Variants in DPY19L1 observed in about 807,000 individuals in gnomAD.
DPY19L1 encodes protein C-mannosyl-transferase DPY19L1.
Under a neutral mutation model 96.9 loss-of-function variants are expected in DPY19L1, and 35 were observed. That is an observed-to-expected ratio of 0.36 (90% CI 0.28 to 0.48). The LOEUF (loss-of-function observed/expected upper bound fraction) is 0.48, where lower values mean the gene tolerates loss of function less well. Ranked by LOEUF, DPY19L1 falls within the 20% of genes least tolerant of loss-of-function variation. The pLI is 0.99. For missense variants in DPY19L1, 521 were observed against 777.9 expected, an observed-to-expected ratio of 0.67 and a Z score of 3.93; for synonymous variants, 205 against 252.6, an observed-to-expected ratio of 0.81 and a Z score of 1.79.
intron 6 of DPY19L1, chr7:35,000,650 A>C (rs1785403500): frequency 6.6e-6 from 1 of 152,234 alleles, no homozygotes; most frequent in African/African-American, 2.4e-5. Context: ...AAAACAATGC[A>C]TACAGAAATA....
At chr7:34,991,900 T>C (rs760616289) in intron 6 of DPY19L1, among the ~76,000 whole-genome samples, 3 of 152,248 alleles carry the variant, frequency 2.0e-5, no homozygotes, top group Non-Finnish European at 2.9e-5. Flanking sequence ...TGGCAAATAC[T>C]GTATAGTACA....
chr7:34,941,058 C>T (rs1456829587), intron 18 of DPY19L1, among the ~76,000 whole-genome samples: 2 of 152,094 alleles, frequency 1.3e-5, no homozygotes, highest in African/African-American at 4.8e-5. Flanking sequence ...CACATGTCTA[C>T]AGAGCTAGAT....
At chr7:34,978,618 G>C (rs555962415) in intron 7 of DPY19L1, among the ~76,000 whole-genome samples, 1 of 152,180 alleles carries the variant, frequency 6.6e-6, no homozygotes, top group Admixed American at 6.5e-5. Context: ...GCATCTCAGG[G>C]CACTGTATCT....
chr7:35,011,725 C>T (rs138923243), intron 4 of DPY19L1, among the ~76,000 whole-genome samples: 1,940 of 152,170 alleles, frequency 0.013, 12 homozygotes, highest in Middle Eastern at 0.02. Context: ...TACTAAGAGA[C>T]ACAAAAGAAG....
intron 6 of DPY19L1, among the ~76,000 whole-genome samples, chr7:35,007,585 T>TG (rs1330114357): frequency 1.8e-4 from 24 of 132,900 alleles, no homozygotes; most frequent in African/African-American, 7.0e-4. Flanking sequence ...CACACACACG[T>TG]GTGGTGTGTG....
intron 7 of DPY19L1, 91 bp downstream of exon 7, chr7:34,989,793 C>T (rs1385400456): frequency 2.5e-5 from 27 of 1,095,270 alleles, no homozygotes; most frequent in Non-Finnish European, 3.4e-5. Flanking sequence ...ATAATAAGAT[C>T]AAACATTTAA....
chr7:34,969,042 A>G (rs1784670895), intron 9 of DPY19L1, among the ~76,000 whole-genome samples: 1 of 152,114 alleles, frequency 6.6e-6, no homozygotes, highest in Admixed American at 6.5e-5. Context: ...GAATGTACAC[A>G]ACTATTCATA....
At position 34,942,672 on chromosome 7, in the gene DPY19L1, C is replaced by T; in HGVS notation, c.1545-33G>A. ...AGAAAAAAATATATTGCCATCAATT[C>T]ATTATTGAAGCACTTACGTCATATA... On this transcript the variant is annotated intron_variant, in intron 16 of 21. Transcript: ENST00000638088. The T allele has an allele frequency of 2.5e-6, 4 of 1,574,186 alleles. No homozygotes were observed. The Admixed American group carries it at 7.8e-5, about 31-fold the overall frequency.
intron 6 of DPY19L1, among the ~76,000 whole-genome samples, chr7:34,999,424 ATC>A (rs1396121916): frequency 6.6e-6 from 1 of 152,244 alleles, no homozygotes; most frequent in African/African-American, 2.4e-5. Flanking sequence ...TTTTAAAATT[ATC>A]TCTGTGACTC....
chr7:35,037,715 G>A, upstream of DPY19L1: 1 of 663,828 alleles, frequency 1.5e-6, no homozygotes, highest in Non-Finnish European at 1.9e-6. Flanking sequence ...CCCCGCCCCC[G>A]CCGCCCCTCT....
intron 6 of DPY19L1, among the ~76,000 whole-genome samples, chr7:35,007,588 GGTGT>G (rs71551083): frequency 4.7e-4 from 70 of 150,478 alleles, no homozygotes; most frequent in East Asian, 2.2e-3. Flanking sequence ...ACACACGTGT[GGTGT>G]GTGTGTGTGT....
intron 6 of DPY19L1, among the ~76,000 whole-genome samples, chr7:34,991,139 C>T (rs1785158737): frequency 6.6e-6 from 1 of 152,202 alleles, no homozygotes. Context: ...GAAGACACAG[C>T]CACTCGCTGC....
intron 1 of DPY19L1, among the ~76,000 whole-genome samples, chr7:35,021,334 C>T (rs1785990864): frequency 6.6e-6 from 1 of 152,168 alleles, no homozygotes; most frequent in Admixed American, 6.5e-5. Context: ...AAATACCTTG[C>T]TTTCTCAGAA....
chr7:34,970,682 G>C (rs1475043395), intron 8 of DPY19L1, among the ~76,000 whole-genome samples: 1 of 152,044 alleles, frequency 6.6e-6, no homozygotes, highest in African/African-American at 2.4e-5. Flanking sequence ...GGTAACAAGA[G>C]ACATTAAGAT....
intron 6 of DPY19L1, among the ~76,000 whole-genome samples, chr7:34,992,705 C>G (rs1456651031): frequency 6.6e-6 from 1 of 151,874 alleles, no homozygotes; most frequent in Non-Finnish European, 1.5e-5. Flanking sequence ...ACCCTGCCTT[C>G]GTAGTTAATA....
At chr7:34,949,374 T>C (rs1784222586) in intron 14 of DPY19L1, among the ~76,000 whole-genome samples, 1 of 152,194 alleles carries the variant, frequency 6.6e-6, no homozygotes, top group East Asian at 1.9e-4. Context: ...GCTTTCCTTC[T>C]AAATCTCTGA....
intron 1 of DPY19L1, among the ~76,000 whole-genome samples, chr7:35,036,052 TAC>T (rs764870400): frequency 8.5e-5 from 13 of 152,280 alleles, no homozygotes; most frequent in Non-Finnish European, 1.9e-4. Flanking sequence ...CATTAAAACA[TAC>T]AGAGATGACT....
At chr7:34,966,341 A>G (rs1300231008) in intron 10 of DPY19L1, among the ~76,000 whole-genome samples, 2 of 152,124 alleles carry the variant, frequency 1.3e-5, no homozygotes, top group East Asian at 3.8e-4. Context: ...TATGTTGCCC[A>G]GGCTGGAGTG....
At chr7:34,961,409 C>T (rs1292166011) in intron 10 of DPY19L1, among the ~76,000 whole-genome samples, 1 of 152,096 alleles carries the variant, frequency 6.6e-6, no homozygotes, top group East Asian at 1.9e-4. Context: ...ATAGTCCTTT[C>T]CACAAACGGT....
Sources: allele counts gnomAD v4.1 joint callset (sites outside exome capture counted in the v4.1 genomes callset), GRCh38; gene constraint gnomAD v4.1.1; transcripts MANE v1.5; gene names NCBI Gene and HGNC (gene_info 2026-07-23, HGNC 2026-07-21).